Variants in EPHA6 observed in about 807,000 individuals in gnomAD.
The protein encoded by EPHA6 is ephrin type-A receptor 6.
Under a neutral mutation model 112.0 loss-of-function variants are expected in EPHA6, and 50 were observed. That is an observed-to-expected ratio of 0.45 (90% CI 0.36 to 0.56). The LOEUF (loss-of-function observed/expected upper bound fraction) is 0.56, where lower values mean the gene tolerates loss of function less well. EPHA6 is among the 20% of genes least tolerant of loss of function. The probability of loss-of-function intolerance (pLI) is 0.00; values close to 1 mark genes in which losing one functional copy is unlikely to be tolerated. For synonymous variants in EPHA6, 529 were observed against 490.7 expected (o/e 1.08, Z -1.03); for missense variants, 1,280 against 1,417.4 (o/e 0.90, Z 1.56).
intron 3 of EPHA6, among the ~76,000 whole-genome samples, chr3:97,172,609 G>A (rs1193592220): frequency 6.6e-6 from 1 of 151,864 alleles, no homozygotes; most frequent in Non-Finnish European, 1.5e-5. Flanking sequence ...TTTTGGGGGG[G>A]ACTGAATTAG....
intron 5 of EPHA6, among the ~76,000 whole-genome samples, chr3:97,340,558 G>A (rs1016963447): frequency 4.6e-5 from 7 of 152,112 alleles, no homozygotes; most frequent in Non-Finnish European, 8.8e-5. Flanking sequence ...GATAGTGGGT[G>A]TTTCCCTTAT....
intron 10 of EPHA6, among the ~76,000 whole-genome samples, chr3:97,519,500 G>A (rs1372726517): frequency 1.3e-5 from 2 of 152,088 alleles, no homozygotes; most frequent in Non-Finnish European, 2.9e-5. Flanking sequence ...TTGTAAAGCT[G>A]TTTTTTCTAT....
rs114524701 is a variant in EPHA6, at chr3:97,424,546, G to A, written c.1731+19272G>A. 5.9e-3 allele frequency among the ~76,000 whole-genome samples: 892 copies of A among 152,228 alleles called. 8 individuals are homozygous for A. Among genetic ancestry groups the A allele is most frequent in the African/African-American group, 0.021 (864 of 41,532 alleles). ...GTGGCCATGCTTGGTGGTCATGCCT[G>A]TAATCCCAGCATTTTGGAAGGCCAA... On this transcript the variant is annotated intron_variant, in intron 6 of 17. Coordinates refer to ENST00000389672, the MANE Select transcript of EPHA6 (RefSeq NM_001080448.3).
At chr3:96,868,497 C>T (rs111782448) in intron 2 of EPHA6, among the ~76,000 whole-genome samples, 3,556 of 151,800 alleles carry the variant, frequency 0.023, 73 homozygotes, top group Non-Finnish European at 0.038. Flanking sequence ...ACATGTAAAC[C>T]AGCATTTATA....
chr3:96,822,341 G>T (rs976246979), intron 1 of EPHA6, among the ~76,000 whole-genome samples: 1 of 151,788 alleles, frequency 6.6e-6, no homozygotes, highest in African/African-American at 2.4e-5. Flanking sequence ...CGTAGCAATT[G>T]TATGTTTTAA....
At chr3:97,354,827 G>A (rs923727534) in intron 5 of EPHA6, among the ~76,000 whole-genome samples, 1 of 152,062 alleles carries the variant, frequency 6.6e-6, no homozygotes, top group Non-Finnish European at 1.5e-5. Context: ...AACTCCCAAA[G>A]GTTGAGGATA....
intron 14 of EPHA6, among the ~76,000 whole-genome samples, chr3:97,719,276 T>A (rs1273904647): frequency 2.6e-5 from 4 of 152,060 alleles, no homozygotes. Flanking sequence ...ATGGACAATG[T>A]TGAAACAATC....
chr3:97,029,106 A>G (rs1442875215), intron 3 of EPHA6, among the ~76,000 whole-genome samples: 1 of 151,688 alleles, frequency 6.6e-6, no homozygotes, highest in Non-Finnish European at 1.5e-5. Flanking sequence ...TAAAATTCTA[A>G]TATGCATGGA....
intron 5 of EPHA6, among the ~76,000 whole-genome samples, chr3:97,355,306 AT>A: frequency 6.6e-6 from 1 of 152,216 alleles, no homozygotes; most frequent in Admixed American, 6.5e-5. Context: ...AATTACAAAA[AT>A]TTGAAGACCT....
At chr3:96,981,814 T>G (rs2042801864) in intron 2 of EPHA6, among the ~76,000 whole-genome samples, 1 of 152,224 alleles carries the variant, frequency 6.6e-6, no homozygotes, top group South Asian at 2.1e-4. Context: ...TTTATCCATT[T>G]CTTCTAGATT....
intron 3 of EPHA6, among the ~76,000 whole-genome samples, chr3:97,182,792 A>C (rs1160556368): frequency 6.6e-6 from 1 of 151,838 alleles, no homozygotes; most frequent in South Asian, 2.1e-4. Context: ...GTAGTGTAGA[A>C]CTAGTTCAGT....
intron 5 of EPHA6, among the ~76,000 whole-genome samples, chr3:97,363,659 A>G (rs982653969): frequency 6.6e-6 from 1 of 152,080 alleles, no homozygotes; most frequent in African/African-American, 2.4e-5. Flanking sequence ...CTAGATATAT[A>G]CCCAAAATAA....
intron 3 of EPHA6, among the ~76,000 whole-genome samples, chr3:97,039,330 C>CA (rs2045229467): frequency 6.6e-6 from 1 of 151,866 alleles, no homozygotes; most frequent in Non-Finnish European, 1.5e-5. Flanking sequence ...TAGAATGCTG[C>CA]AAAAAATGTG....
chr3:97,100,257 A>T (rs1156751070), intron 3 of EPHA6, among the ~76,000 whole-genome samples: 1 of 149,240 alleles, frequency 6.7e-6, no homozygotes, highest in African/African-American at 2.4e-5. Context: ...TATATATTTT[A>T]TATATATATA....
chr3:97,013,481 ATATTTACT>A (rs1282556298), intron 3 of EPHA6, among the ~76,000 whole-genome samples: 2 of 152,232 alleles, frequency 1.3e-5, no homozygotes, highest in East Asian at 3.9e-4. Context: ...TGGAGGCCTA[ATATTTACT>A]GTGTACCCAC....
intron 6 of EPHA6, among the ~76,000 whole-genome samples, chr3:97,436,899 A>T (rs1577404843): frequency 6.6e-6 from 1 of 152,298 alleles, no homozygotes; most frequent in East Asian, 1.9e-4. Context: ...CCAATGCACT[A>T]TAGTTCTTAG....
chr3:97,350,660 G>A (rs2083765070), intron 5 of EPHA6, among the ~76,000 whole-genome samples: 1 of 152,004 alleles, frequency 6.6e-6, no homozygotes, highest in African/African-American at 2.4e-5. Flanking sequence ...AATCAAGTGG[G>A]ACAGTGTCAT....
intron 6 of EPHA6, among the ~76,000 whole-genome samples, chr3:97,439,982 A>G (rs2090051026): frequency 6.6e-6 from 1 of 152,106 alleles, no homozygotes; most frequent in Non-Finnish European, 1.5e-5. Flanking sequence ...ATATCAATCA[A>G]TTGACATTAC....
At chr3:97,472,354 G>GA (rs772223113) in intron 7 of EPHA6, among the ~76,000 whole-genome samples, 3 of 151,132 alleles carry the variant, frequency 2.0e-5, no homozygotes, top group Non-Finnish European at 3.0e-5. Context: ...TAAACAACCA[G>GA]AAAAAAAAGT....
Sources: allele counts gnomAD v4.1 joint callset (sites outside exome capture counted in the v4.1 genomes callset), GRCh38; gene constraint gnomAD v4.1.1; transcripts MANE v1.5; gene names NCBI Gene and HGNC (gene_info 2026-07-23, HGNC 2026-07-21).